The following GRIA4 variants were observed in gnomAD, a reference collection of about 807,000 sequenced individuals.
GRIA4 encodes the protein glutamate receptor 4.
In GRIA4, 34 loss-of-function variants were observed where a neutral mutation model predicts 104.0. The ratio of observed to expected loss-of-function variants is 0.33; its 90% CI spans 0.25 to 0.44. The LOEUF (loss-of-function observed/expected upper bound fraction) is 0.44. Ranked by LOEUF, GRIA4 falls within the 20% of genes least tolerant of loss-of-function variation. The pLI is 1.00. For synonymous variants in GRIA4, 386 were observed against 381.9 expected, an observed-to-expected ratio of 1.01 and a Z score of -0.13; for missense variants, 750 against 1,096.5, an observed-to-expected ratio of 0.68 and a Z score of 4.46.
intron 4 of GRIA4, among the ~76,000 whole-genome samples, chr11:105,817,182 T>G (rs889555984): frequency 6.6e-6 from 1 of 151,948 alleles, no homozygotes; most frequent in Non-Finnish European, 1.5e-5. Flanking sequence ...ATAGTATCTA[T>G]CTTGTTAGTG....
At chr11:105,974,721 T>G in intron 16 of GRIA4, 1 of 611,432 alleles carries the variant, frequency 1.6e-6, no homozygotes, top group Non-Finnish European at 2.8e-6. Context: ...AGATGTACTG[T>G]TTGAAACTTT....
chr11:105,810,154 A>C (rs1943115051), intron 4 of GRIA4, among the ~76,000 whole-genome samples: 1 of 152,124 alleles, frequency 6.6e-6, no homozygotes, highest in Non-Finnish European at 1.5e-5. Context: ...TCCAGCATGG[A>C]GTTCTACTTA....
intron 4 of GRIA4, among the ~76,000 whole-genome samples, chr11:105,775,701 C>A (rs1049407077): frequency 6.6e-6 from 1 of 151,796 alleles, no homozygotes; most frequent in African/African-American, 2.4e-5. Flanking sequence ...TATGAACAGT[C>A]AACAGGTATA....
intron 5 of GRIA4, among the ~76,000 whole-genome samples, chr11:105,863,156 C>G (rs1012057856): frequency 6.6e-6 from 1 of 152,050 alleles, no homozygotes; most frequent in Non-Finnish European, 1.5e-5. Flanking sequence ...CTTTAGTATT[C>G]AATTGTAAGA....
intron 5 of GRIA4, among the ~76,000 whole-genome samples, chr11:105,875,596 T>C (rs993613696): frequency 5.3e-5 from 8 of 152,182 alleles, no homozygotes; most frequent in Non-Finnish European, 1.0e-4. Context: ...TCAGAACTTG[T>C]TATTGGTCTA....
rs115557217 is a variant in GRIA4, at chr11:105,637,647, T to C, written c.247+25213T>C. Among the ~76,000 whole-genome samples, 183 of 152,286 alleles carry C rather than the reference T, an allele frequency of 1.2e-3. 1 individual carries two copies. The highest frequency in any genetic ancestry group is 3.8e-3 in the African/African-American group (159 of 41,552). ...AGAGAGTGGTAAATACCTGCCTGTT[T>C]TAGGACATGTTTTAGGAGAGTGTCT... On this transcript the variant is annotated intron_variant, in intron 3 of 16. Coordinates refer to ENST00000282499, the MANE Select transcript of GRIA4 (RefSeq NM_000829.4).
At chr11:105,691,358 T>A (rs1673559158) in intron 3 of GRIA4, among the ~76,000 whole-genome samples, 1 of 152,006 alleles carries the variant, frequency 6.6e-6, no homozygotes, top group South Asian at 2.1e-4. Context: ...AGAAATAAAA[T>A]AACACAGAAA....
chr11:105,713,251 T>G (rs1014411946), intron 3 of GRIA4, among the ~76,000 whole-genome samples: 9 of 151,856 alleles, frequency 5.9e-5, no homozygotes, highest in Admixed American at 5.9e-4. Flanking sequence ...GGCGTCGTGG[T>G]GCCTGCTTTT....
At chr11:105,658,667 A>C (rs1348297394) in intron 3 of GRIA4, among the ~76,000 whole-genome samples, 1 of 151,920 alleles carries the variant, frequency 6.6e-6, no homozygotes, top group East Asian at 1.9e-4. Context: ...TGGGAGTGAT[A>C]GTTGACATTA....
At chr11:105,752,587 G>A (rs772150166) in intron 3 of GRIA4, among the ~76,000 whole-genome samples, 4 of 152,014 alleles carry the variant, frequency 2.6e-5, no homozygotes, top group Non-Finnish European at 4.4e-5. Flanking sequence ...AATTTCAAGC[G>A]TATATAATTG....
chr11:105,916,901 A>G (rs1263159072), intron 10 of GRIA4, among the ~76,000 whole-genome samples: 1 of 152,204 alleles, frequency 6.6e-6, no homozygotes, highest in African/African-American at 2.4e-5. Context: ...CATTTTGCAT[A>G]TATGTGGCTC....
intron 4 of GRIA4, among the ~76,000 whole-genome samples, chr11:105,765,652 A>T (rs979268472): frequency 6.6e-6 from 1 of 152,202 alleles, no homozygotes; most frequent in Admixed American, 6.5e-5. Flanking sequence ...CCAGCTAACT[A>T]CAGCCTGTGG....
chr11:105,715,386 C>T lies in GRIA4; in HGVS notation c.248-37595C>T, dbSNP rs181759908. ...TAACCTCCAACCAGGACCTGTTATGCTTAATCCCCACTGAAAATAAAATTA... is the reference window on the plus strand; with the variant it reads ...TAACCTCCAACCAGGACCTGTTATGTTTAATCCCCACTGAAAATAAAATTA... On this transcript the variant is annotated intron_variant, in intron 3 of 16. Coordinates refer to ENST00000282499, the MANE Select transcript of GRIA4 (RefSeq NM_000829.4). 4.9e-3 allele frequency among the ~76,000 whole-genome samples: 747 copies of T among 152,214 alleles called. 5 individuals carry two copies. The highest frequency in any genetic ancestry group is 0.016 in the African/African-American group (679 of 41,536).
chr11:105,647,729 C>T (rs1286914206), intron 3 of GRIA4, among the ~76,000 whole-genome samples: 6 of 152,058 alleles, frequency 3.9e-5, no homozygotes, highest in Admixed American at 1.3e-4. Flanking sequence ...CACTTATAAG[C>T]GGGAGCTCAA....
At chr11:105,770,170 A>G (rs1941145961) in intron 4 of GRIA4, among the ~76,000 whole-genome samples, 3 of 152,114 alleles carry the variant, frequency 2.0e-5, no homozygotes, top group South Asian at 4.1e-4. Context: ...TCGTGATGCA[A>G]GGAGAGTTTC....
At chr11:105,833,204 C>A (rs1944044172) in intron 4 of GRIA4, among the ~76,000 whole-genome samples, 1 of 151,868 alleles carries the variant, frequency 6.6e-6, no homozygotes, top group Non-Finnish European at 1.5e-5. Context: ...GTGTGAGAAA[C>A]CATATAAGTT....
chr11:105,934,073 T>C, intron 14 of GRIA4, 104 bp downstream of exon 14: 2 of 940,910 alleles, frequency 2.1e-6, no homozygotes, highest in Non-Finnish European at 3.1e-6. Context: ...CATGGTATGT[T>C]TGTTTGTTTG....
intron 14 of GRIA4, among the ~76,000 whole-genome samples, chr11:105,953,791 AT>A (rs1418905323): frequency 6.6e-6 from 1 of 152,022 alleles, no homozygotes; most frequent in East Asian, 1.9e-4. Flanking sequence ...AATAAATTGT[AT>A]TTTTTAACTC....
chr11:105,883,415 T>C (rs682356), intron 5 of GRIA4, among the ~76,000 whole-genome samples: 109 of 151,414 alleles, frequency 7.2e-4, no homozygotes, highest in African/African-American at 2.4e-3. Flanking sequence ...CTCCTAATGC[T>C]ATCCCTCCCC....
Sources: gnomAD v4.1 joint callset for allele counts (sites outside exome capture counted in the v4.1 genomes callset) on GRCh38, gnomAD v4.1.1 for gene constraint, MANE v1.5 for transcripts, NCBI Gene and HGNC (gene_info 2026-07-23, HGNC 2026-07-21) for gene names.